Variants in MMP12 observed in about 807,000 individuals in gnomAD.
MMP12 encodes the protein macrophage metalloelastase.
A neutral mutation model predicts 45.2 loss-of-function variants in MMP12; 51 were observed. That is an observed-to-expected ratio of 1.13 (90% CI 0.90 to 1.42). The LOEUF is 1.42. Among genes scored for constraint, MMP12 ranks in the 40% most tolerant of loss-of-function variants. The pLI is 0.00. For synonymous variants in MMP12, 210 were observed against 193.3 expected (o/e 1.09, Z -0.72); for missense variants, 530 against 570.8 (o/e 0.93, Z 0.73).
Position 102,873,008 on chromosome 11 carries a change from G to T in MMP12, c.207C>A (p.His69Gln). 6.2e-7 allele frequency: 1 copy of T among 1,613,406 alleles called. No homozygotes were observed. The highest frequency in any genetic ancestry group is 8.5e-7 in the Non-Finnish European group (1 of 1,179,664). ...LMKEKIQEMQ[H>Q]FLGLKVTGQL... Reference sequence around the variant, plus strand: ...GCCCGGTCACTTTCAGACCCAAGAAGTGCTGCATTTCTTGGATTTTTTCCT... The same window carrying T: ...GCCCGGTCACTTTCAGACCCAAGAATTGCTGCATTTCTTGGATTTTTTCCT... Residue 69 changes from histidine to glutamine, a missense_variant, in exon 2 of 10, where the codon CAC (histidine) becomes CAA (glutamine). Transcript: ENST00000571244.
chr11:102,864,230 T>C lies in MMP12; in HGVS notation c.1228A>G (p.Met410Val). The change falls in exon 9 of 10, where the codon ATG becomes GTG. Residue 410 changes from methionine to valine, a missense_variant. Physicochemically the swap from Met to Val is conservative, Grantham distance 21 (BLOSUM62 1). Transcript: ENST00000571244. ...YWRYDERRQM[M>V]DPGYPKLITK... The stretch of plus-strand genomic sequence containing the variant: ...ATCAGTTTGGGATAACCAGGGTCCA[T>C]CATCTGTCTCCTTTCATCATACCTG... The C allele has an allele frequency of 6.2e-7, 1 of 1,613,662 alleles. No homozygotes were observed. Among genetic ancestry groups the C allele is most frequent in the Non-Finnish European group, 8.5e-7 (1 of 1,179,666 alleles).
chr11:102,867,784 C>T, intron 5 of MMP12, 124 bp downstream of exon 5: 1 of 1,006,756 alleles, frequency 9.9e-7, no homozygotes, highest in Non-Finnish European at 1.5e-6. Flanking sequence ...TCACCTGCCA[C>T]ACAGGGTTCT....
At position 102,863,190 on chromosome 11, in the gene MMP12, A is replaced by G; in HGVS notation, c.1323T>C (p.Tyr441=). The change falls in exon 10 of 10, where the codon TAT becomes TAC. Residue 441 remains tyrosine, a synonymous_variant. Transcript: ENST00000571244. ...CAAATTGGTTAGATCCTTGGAAGAA[A>G]TAGTAGTATTCTGAAAATGAAAACA... is the stretch of plus-strand genomic sequence containing the variant. ...AVFYSKNKYY[Y]FFQGSNQFEY... is the part of the protein sequence containing the mutation. 2 of 1,583,674 alleles carry G rather than the reference A, an allele frequency of 1.3e-6. No homozygotes were observed. The highest frequency in any genetic ancestry group is 1.1e-5 in the South Asian group (1 of 89,052).
chr11:102,866,276 T>A, intron 7 of MMP12, 39 bp downstream of exon 7: 1 of 1,526,166 alleles, frequency 6.6e-7, no homozygotes. Context: ...TTCTCTTCCT[T>A]GAAGTAAACT....
At chr11:102,867,817 A>G in intron 5 of MMP12, 91 bp downstream of exon 5, 1 of 1,337,432 alleles carries the variant, frequency 7.5e-7, no homozygotes, top group Admixed American at 2.2e-5. Flanking sequence ...AAAAAGACAG[A>G]TATTAACGTT....
intron 1 of MMP12, 35 bp from the exon 2 acceptor site, chr11:102,873,147 A>G (rs201783229): frequency 2.3e-5 from 37 of 1,586,736 alleles, no homozygotes; most frequent in Non-Finnish European, 3.1e-5. Context: ...ATGTGTAAGT[A>G]CACACAGAAA....
At chr11:102,867,794 T>C in intron 5 of MMP12, 114 bp downstream of exon 5, 1 of 1,115,710 alleles carries the variant, frequency 9.0e-7, no homozygotes, top group Non-Finnish European at 1.3e-6. Context: ...CACAGGGTTC[T>C]TATGCGGCTT....
chr11:102,865,756 G>T lies in MMP12; in HGVS notation c.1205+20C>A. The T allele has an allele frequency of 6.3e-7, 1 of 1,591,742 alleles. No homozygotes were observed. Among genetic ancestry groups the T allele is most frequent in the South Asian group, 1.1e-5 (1 of 87,244 alleles). On this transcript the variant is annotated intron_variant, in intron 8 of 9. Transcript: ENST00000571244. This position sits in a 1 kb window ranked among gnomAD's most constrained non-coding sequence, Gnocchi z 4.1. Reference sequence around the variant, plus strand: ...TGTTTCACAATCTGAGGGGTCGAATGACCAACCATTAAAACTCACCTCCAA... The same window carrying T: ...TGTTTCACAATCTGAGGGGTCGAATTACCAACCATTAAAACTCACCTCCAA...
At chr11:102,872,053 T>C in intron 2 of MMP12, 101 bp from the exon 3 acceptor site, 1 of 1,275,056 alleles carries the variant, frequency 7.8e-7, no homozygotes, top group Non-Finnish European at 1.0e-6. Context: ...AATGGATCAT[T>C]TCATAAATCA....
At chr11:102,864,972 A>ATAATAACAG (rs1260037882) in intron 8 of MMP12, among the ~76,000 whole-genome samples, 1 of 152,234 alleles carries the variant, frequency 6.6e-6, no homozygotes, top group Admixed American at 6.5e-5. Flanking sequence ...GCCAATGTTC[A>ATAATAACAG]TAATAACAGG....
chr11:102,865,098 G>A lies in MMP12; in HGVS notation c.1205+678C>T, dbSNP rs961641053. On this transcript the variant is annotated intron_variant, in intron 8 of 9. Transcript: ENST00000571244. The surrounding 1 kb of genome is among the most constrained non-coding windows in gnomAD (Gnocchi z 4.1). The stretch of plus-strand genomic sequence containing the variant: ...GGACAAATTCAAGTCATAAGCATCC[G>A]GTATTCAATTGGAATTAGATATTGT... Among the ~76,000 whole-genome samples the A allele has an allele frequency of 1.3e-5, 2 of 151,790 alleles. No individual in the cohort carries two copies. The highest frequency in any genetic ancestry group is 4.8e-5 in the African/African-American group (2 of 41,386).
chr11:102,867,232 G>A, intron 6 of MMP12, 38 bp downstream of exon 6: 1 of 1,498,004 alleles, frequency 6.7e-7, no homozygotes, highest in South Asian at 1.3e-5. Flanking sequence ...TTTAAAGGCA[G>A]AAACTTTAAT....
At chr11:102,866,477 A>G (rs1555008583) in intron 6 of MMP12, 29 bp from the exon 7 acceptor site, 1 of 1,607,186 alleles carries the variant, frequency 6.2e-7, no homozygotes, top group South Asian at 1.1e-5. Flanking sequence ...GACACATGTT[A>G]AAAGACAATG....
At chr11:102,866,491 A>T (rs200359769) in intron 6 of MMP12, 43 bp from the exon 7 acceptor site, 1 of 1,594,160 alleles carries the variant, frequency 6.3e-7, no homozygotes, top group Non-Finnish European at 8.5e-7. Flanking sequence ...GACAATGTAG[A>T]CTCAAGAACC....
chr11:102,865,929 T>A lies in MMP12; in HGVS notation c.1052A>T (p.Lys351Ile). The change falls in exon 8 of 10, where the codon AAA becomes ATA. Residue 351 changes from lysine to isoleucine, a missense_variant. Physicochemically the swap from Lys to Ile is moderately radical, Grantham distance 102. Transcript: ENST00000571244. This position sits in a 1 kb window ranked among gnomAD's most constrained non-coding sequence, Gnocchi z 4.1. ...RNQVFLFKDDKYWLISNLRPE... is the reference protein window; with the variant it reads ...RNQVFLFKDDIYWLISNLRPE... ...TCTTAAATTGCTAATTAACCAGTAT[T>A]TGTCATCTGTGAAGACAAAGAAATA... 1 of 1,608,890 alleles carries A rather than the reference T, an allele frequency of 6.2e-7. No homozygotes were observed. Among genetic ancestry groups the A allele is most frequent in the African/African-American group, 1.3e-5 (1 of 74,882 alleles).
Position 102,866,454 on chromosome 11 carries a change from A to T in MMP12, c.912-6T>A, listed in dbSNP as rs782186031. The T allele has an allele frequency of 1.7e-5, 27 of 1,610,454 alleles. No homozygotes were observed. Among genetic ancestry groups the T allele is most frequent in the Non-Finnish European group, 2.2e-5 (26 of 1,178,590 alleles). On this transcript the variant is annotated splice_polypyrimidine_tract_variant and splice_region_variant and intron_variant, in intron 6 of 9. Transcript: ENST00000571244. ...AAACCTTCAGCCAGAAGAACCTGACATGAAAGACATTTGACACATGTTAAA... is the reference window on the plus strand; with the variant it reads ...AAACCTTCAGCCAGAAGAACCTGACTTGAAAGACATTTGACACATGTTAAA...
chr11:102,864,268 A>G lies in MMP12; in HGVS notation c.1206-16T>C. The G allele has an allele frequency of 6.4e-7, 1 of 1,560,238 alleles. No individual in the cohort carries two copies. Among genetic ancestry groups the G allele is most frequent in the Non-Finnish European group, 8.8e-7 (1 of 1,131,774 alleles). On this transcript the variant is annotated splice_polypyrimidine_tract_variant and intron_variant, in intron 8 of 9. Transcript: ENST00000571244. ...TTCATCATACCTGAGCAAAGAAGTA[A>G]CCAGCAGGAACTCAATCAGAAAGTG...
At chr11:102,873,213 C>A in intron 1 of MMP12, 101 bp from the exon 2 acceptor site, 5 of 1,069,482 alleles carry the variant, frequency 4.7e-6, no homozygotes, top group Non-Finnish European at 6.7e-6. Flanking sequence ...GCTTTTGGAC[C>A]AGGAATTTTG....
chr11:102,873,559 C>A (rs1425941182), intron 1 of MMP12, among the ~76,000 whole-genome samples: 1 of 151,968 alleles, frequency 6.6e-6, no homozygotes, highest in Admixed American at 6.6e-5. Context: ...GTGATTGTAC[C>A]ACTGCACTCC....
Sources: gnomAD v4.1 joint callset for allele counts (sites outside exome capture counted in the v4.1 genomes callset) on GRCh38, gnomAD v4.1.1 for gene constraint, Gnocchi (gnomAD v3.1) non-coding constraint, MANE v1.5 for transcripts, NCBI Gene and HGNC (gene_info 2026-07-23, HGNC 2026-07-21) for gene names.